ITIH5: variants seen among roughly 807,000 people sequenced by gnomAD.
ITIH5 encodes inter-alpha-trypsin inhibitor heavy chain H5.
ITIH5 carries 65 observed loss-of-function variants against 77.5 expected under a neutral mutation model. That is an observed-to-expected ratio of 0.84 (90% confidence interval 0.69 to 1.03). ITIH5 has a LOEUF of 1.03. ITIH5 is among the 50% of genes least tolerant of loss of function. ITIH5 has a pLI of 0.00. For synonymous variants in ITIH5, 525 were observed against 494.3 expected (o/e 1.06, Z -0.82); for missense variants, 1,208 against 1,213.1 (o/e 1.00, Z 0.06).
intron 8 of ITIH5, among the ~76,000 whole-genome samples, chr10:7,585,496 G>A (rs949432969): frequency 6.6e-6 from 1 of 152,136 alleles, no homozygotes; most frequent in African/African-American, 2.4e-5. Context: ...TCCTTGTTTT[G>A]CAAAGCAGTT....
At chr10:7,564,793 T>C (rs1487504582) in intron 13 of ITIH5, among the ~76,000 whole-genome samples, 2 of 151,350 alleles carry the variant, frequency 1.3e-5, no homozygotes, top group Admixed American at 6.6e-5. Context: ...CACACATATA[T>C]ACAGACTGTG....
rs1036031413 is a variant in ITIH5 at position 7,575,481 on chromosome 10, A to G, written c.1978+972T>C. Among the ~76,000 whole-genome samples, 5 of 152,194 alleles carry G rather than the reference A, an allele frequency of 3.3e-5. No individual in the cohort carries two copies. The East Asian group carries it at 9.6e-4, about 29-fold the overall frequency. On this transcript the variant is annotated intron_variant, in intron 10 of 13. Transcript: ENST00000397146. ...CTCCTAGGAGAGAGAACTTGACAGG[A>G]GCCCAGTAAAAATGTGATGCATGTG...
At chr10:7,565,314 T>TACAC (rs561932062) in intron 13 of ITIH5, among the ~76,000 whole-genome samples, 1 of 149,100 alleles carries the variant, frequency 6.7e-6, no homozygotes, top group Non-Finnish European at 1.5e-5. Flanking sequence ...TATATATATA[T>TACAC]ACACACACAC....
At chr10:7,600,559 C>A (rs188169774) in intron 7 of ITIH5, 1 of 456,708 alleles carries the variant, frequency 2.2e-6, no homozygotes, top group Non-Finnish European at 4.4e-6. Context: ...TCCAGTTACA[C>A]GTGCACCTAG....
In ITIH5 at chr10:7,649,281, A is replaced by T. The variant is rs551487326; in HGVS notation, c.135+6350T>A. Among the ~76,000 whole-genome samples, 425 of 139,080 alleles carry T rather than the reference A, an allele frequency of 3.1e-3. 5 individuals carry two copies. The highest frequency in any genetic ancestry group is 0.011 in the African/African-American group (398 of 37,242). The allele number at this position is 139,080 out of a possible 152,430, so 91.2% of individuals were successfully genotyped here. On this transcript the variant is annotated intron_variant, in intron 2 of 13. Transcript: ENST00000397146. The stretch of plus-strand genomic sequence containing the variant: ...TTCTTTCTTCCCCCTTCTTCTTCTT[A>T]TTCTTTCTTCTTCCTTCTTCTTCTT...
chr10:7,634,500 G>C (rs781722029), intron 5 of ITIH5, among the ~76,000 whole-genome samples: 6 of 152,160 alleles, frequency 3.9e-5, no homozygotes, highest in Non-Finnish European at 8.8e-5. Context: ...GGTACAAGGA[G>C]CTAAGAAAAC....
chr10:7,629,224 C>T (rs542406540), intron 5 of ITIH5, among the ~76,000 whole-genome samples: 7 of 136,788 alleles, frequency 5.1e-5, no homozygotes, highest in East Asian at 2.1e-4. Context: ...CCTGTTGTAG[C>T]GTGTGCCCAT....
chr10:7,606,549 C>T (rs1235333662), intron 7 of ITIH5, among the ~76,000 whole-genome samples: 1 of 152,112 alleles, frequency 6.6e-6, no homozygotes, highest in East Asian at 1.9e-4. Context: ...GGGAGCTAAA[C>T]ATTGAGTACA....
intron 7 of ITIH5, among the ~76,000 whole-genome samples, chr10:7,615,342 C>T (rs1833342649): frequency 6.6e-6 from 1 of 152,206 alleles, no homozygotes; most frequent in Non-Finnish European, 1.5e-5. Flanking sequence ...ATTAGCTGGT[C>T]TGGCAGCCAG....
intron 7 of ITIH5, among the ~76,000 whole-genome samples, chr10:7,605,541 C>T (rs1045887911): frequency 4.0e-5 from 6 of 151,650 alleles, no homozygotes; most frequent in African/African-American, 9.7e-5. Context: ...GCACCCCACC[C>T]CCAACAGCCT....
chr10:7,654,422 T>C (rs547125861), intron 2 of ITIH5, among the ~76,000 whole-genome samples: 1 of 152,332 alleles, frequency 6.6e-6, no homozygotes, highest in South Asian at 2.1e-4. Flanking sequence ...TACAAACGTA[T>C]AGTGAACAGC....
intron 9 of ITIH5, among the ~76,000 whole-genome samples, chr10:7,577,475 G>A (rs558258829): frequency 5.3e-5 from 8 of 152,322 alleles, no homozygotes; most frequent in African/African-American, 1.9e-4. Context: ...TCCCTCACCA[G>A]TCTTGGTAAA....
In ITIH5 at chr10:7,579,780, C is replaced by A. The variant is rs992383795; in HGVS notation, c.1393G>T (p.Glu465Ter). Residue 465 changes from glutamate to a stop codon, truncating the protein, a stop_gained, in exon 9 of 14, where the codon GAG (glutamate) becomes TAG (stop). Transcript: ENST00000397146. LOFTEE classifies it high-confidence loss of function. ...CGLTRRVHEE[E>*]DAGSQLIGFY... is the part of the protein sequence containing the mutation. ...CCGATGAGCTGCGAGCCTGCGTCCTCCTCCTCGTGCACGCGCCGTGTGAGG... is the reference window on the plus strand; with the variant it reads ...CCGATGAGCTGCGAGCCTGCGTCCTACTCCTCGTGCACGCGCCGTGTGAGG... 1.2e-6 allele frequency: 2 copies of A among 1,613,980 alleles called. No homozygotes were observed. The highest frequency in any genetic ancestry group is 2.2e-5 in the South Asian group (2 of 91,086).
At chr10:7,635,283 C>G (rs1015012768) in intron 5 of ITIH5, among the ~76,000 whole-genome samples, 6 of 152,184 alleles carry the variant, frequency 3.9e-5, no homozygotes, top group African/African-American at 1.2e-4. Flanking sequence ...TTTTTAAGCT[C>G]TCATTCTGCG....
chr10:7,592,797 G>T (rs1194797528), intron 7 of ITIH5, among the ~76,000 whole-genome samples: 1 of 152,190 alleles, frequency 6.6e-6, no homozygotes, highest in East Asian at 1.9e-4. Context: ...GACAGACCCT[G>T]CGCACTCACA....
At chr10:7,589,565 T>A (rs1832751088) in intron 7 of ITIH5, among the ~76,000 whole-genome samples, 1 of 152,080 alleles carries the variant, frequency 6.6e-6, no homozygotes, top group South Asian at 2.1e-4. Context: ...ATGCAACAAG[T>A]TCTTCGGGGA....
chr10:7,649,738 A>G (rs1053572195), intron 2 of ITIH5, among the ~76,000 whole-genome samples: 1 of 152,228 alleles, frequency 6.6e-6, no homozygotes, highest in Non-Finnish European at 1.5e-5. Flanking sequence ...TTCCCAGATC[A>G]ATGACTAGAA....
At chr10:7,663,497 G>A (rs955072567) in intron 1 of ITIH5, among the ~76,000 whole-genome samples, 3 of 152,154 alleles carry the variant, frequency 2.0e-5, no homozygotes, top group Admixed American at 6.5e-5. Context: ...CCCTAAAAAT[G>A]CGTGATGTTT....
intron 2 of ITIH5, among the ~76,000 whole-genome samples, chr10:7,646,544 A>G (rs1035214225): frequency 5.3e-5 from 8 of 152,256 alleles, no homozygotes; most frequent in African/African-American, 1.9e-4. Context: ...TCAGTGGTTT[A>G]AAACAGCAGC....
Sources: allele counts gnomAD v4.1 joint callset (sites outside exome capture counted in the v4.1 genomes callset), GRCh38; gene constraint gnomAD v4.1.1; transcripts MANE v1.5; gene names NCBI Gene and HGNC (gene_info 2026-07-23, HGNC 2026-07-21).